Variants in PCDHGA10 observed in about 807,000 individuals in gnomAD.
PCDHGA10 encodes the protein protocadherin gamma subfamily A, 10, also known as protocadherin gamma-A10.
Under a neutral mutation model 59.5 loss-of-function variants are expected in PCDHGA10, and 42 were observed. The observed-to-expected ratio is 0.71, with a 90% CI of 0.55 to 0.91. The LOEUF (loss-of-function observed/expected upper bound fraction) is 0.91, where lower values mean the gene tolerates loss of function less well. Ranked by LOEUF, PCDHGA10 falls within the 40% of genes least tolerant of loss-of-function variation. The pLI is 0.00. For missense variants in PCDHGA10, 1,111 were observed against 1,198.2 expected (o/e 0.93, Z 1.07); for synonymous variants, 511 against 517.2 (o/e 0.99, Z 0.16).
At chr5:141,449,021 C>T (rs897401758) in intron 1 of PCDHGA10, among the ~76,000 whole-genome samples, 3 of 152,104 alleles carry the variant, frequency 2.0e-5, no homozygotes, top group Non-Finnish European at 4.4e-5. Context: ...AGTTGCTTAG[C>T]ATTCCTTTGG....
At chr5:141,423,160 G>A (rs1272708122) in intron 1 of PCDHGA10, 16 of 1,613,046 alleles carry the variant, frequency 9.9e-6, no homozygotes, top group Non-Finnish European at 1.2e-5. Flanking sequence ...GAGCCTCGTG[G>A]TGGCCGTCCA....
At chr5:141,441,398 G>A (rs1257981333) in intron 1 of PCDHGA10, 1 of 154,848 alleles carries the variant, frequency 6.5e-6, no homozygotes, top group Non-Finnish European at 1.4e-5. Context: ...TATAACATCA[G>A]CATCACTGCC....
intron 1 of PCDHGA10, among the ~76,000 whole-genome samples, chr5:141,460,317 A>G (rs1045494740): frequency 4.6e-5 from 7 of 152,260 alleles, no homozygotes; most frequent in African/African-American, 1.7e-4. Flanking sequence ...CTCCTTGCCT[A>G]CTGAAAACTT....
At chr5:141,470,511 A>T (rs1043414941) in intron 1 of PCDHGA10, among the ~76,000 whole-genome samples, 37 of 152,198 alleles carry the variant, frequency 2.4e-4, no homozygotes, top group African/African-American at 8.7e-4. Flanking sequence ...TTAGACAGTT[A>T]GCTAATATTA....
chr5:141,509,825 C>A (rs1057042581), intron 3 of PCDHGA10, among the ~76,000 whole-genome samples: 18 of 152,222 alleles, frequency 1.2e-4, no homozygotes, highest in African/African-American at 1.2e-4. Context: ...TCTCCATCTT[C>A]TCTCTACCTC....
chr5:141,505,413 C>G lies in PCDHGA10; in HGVS notation c.2516C>G (p.Thr839Ser). ...CCCAGCTCCCAAAATGGCGATGACA[C>G]CGGCACCTGGCCCAACAACCAGTTT... Reference protein sequence around the residue: ...GTSGSQNGDDTGTWPNNQFDT... With the variant: ...GTSGSQNGDDSGTWPNNQFDT... Residue 839 changes from threonine to serine, a missense_variant, in exon 3 of 4, where the codon ACC (threonine) becomes AGC (serine). Physicochemically the swap from Thr to Ser is moderately conservative, Grantham distance 58. Coordinates refer to ENST00000398610, the MANE Select transcript of PCDHGA10 (RefSeq NM_018913.3). 2.5e-6 allele frequency: 4 copies of G among 1,614,202 alleles called. No individual in the cohort carries two copies. In the South Asian group the frequency reaches 4.4e-5, roughly 18 times the overall value.
chr5:141,446,173 G>A (rs2098491860), intron 1 of PCDHGA10, among the ~76,000 whole-genome samples: 1 of 152,076 alleles, frequency 6.6e-6, no homozygotes, highest in East Asian at 1.9e-4. Context: ...TGAGGGCAGG[G>A]GGTGTTTTGT....
intron 1 of PCDHGA10, among the ~76,000 whole-genome samples, chr5:141,481,749 C>G (rs958851030): frequency 7.9e-5 from 12 of 151,976 alleles, no homozygotes; most frequent in African/African-American, 2.9e-4. Context: ...GTCAGGAGTC[C>G]AAGACCAGCC....
chr5:141,486,828 G>A lies in PCDHGA10; in HGVS notation c.2437-7979G>A, dbSNP rs140257646. 77 of 1,614,218 alleles carry A rather than the reference G, an allele frequency of 4.8e-5. 1 individual carries two copies. In the East Asian group the frequency reaches 1.2e-3, roughly 26 times the overall value. On this transcript the variant is annotated intron_variant, in intron 1 of 3. Transcript: ENST00000398610. This position sits in a 1 kb window ranked among gnomAD's most constrained non-coding sequence, Gnocchi z 5.0. ...CCCCTTAGCAGCACTGTAACAGTTCGTCTATTTGTGCTGGACCTCAATGAC... is the reference window on the plus strand; with the variant it reads ...CCCCTTAGCAGCACTGTAACAGTTCATCTATTTGTGCTGGACCTCAATGAC...
intron 1 of PCDHGA10, among the ~76,000 whole-genome samples, chr5:141,481,426 A>G (rs1431602618): frequency 6.6e-6 from 1 of 152,238 alleles, no homozygotes; most frequent in Non-Finnish European, 1.5e-5. Flanking sequence ...TGTGATGATG[A>G]TTGTATCAGT....
intron 1 of PCDHGA10, chr5:141,471,166 C>T (rs1427053969): frequency 2.0e-5 from 3 of 150,492 alleles, no homozygotes; most frequent in Non-Finnish European, 2.9e-5. Context: ...TCTCCTGGCT[C>T]AGCCTCCCTA....
Position 141,413,747 on chromosome 5 carries a change from A to C in PCDHGA10, c.572A>C (p.Asn191Thr). The part of the protein sequence containing the change: ...HFSLRVQSRA[N>T]GVKYPELVLE... ...TCCCTAAGAGTTCAGAGCCGTGCCA[A>C]TGGCGTCAAGTACCCGGAGCTGGTA... Residue 191 changes from asparagine (N) to threonine (T), a missense_variant, in exon 1 of 4, where the codon AAT becomes ACT. Physicochemically the swap from Asn to Thr is moderately conservative, Grantham distance 65. Coordinates refer to ENST00000398610, the MANE Select transcript of PCDHGA10 (RefSeq NM_018913.3). The C allele has an allele frequency of 6.2e-7, 1 of 1,613,348 alleles. No individual in the cohort carries two copies.
Position 141,413,950 on chromosome 5 carries a change from T to C in PCDHGA10, c.775T>C (p.Leu259=), listed in dbSNP as rs1448967281. The C allele has an allele frequency of 6.2e-7, 1 of 1,613,264 alleles. No homozygotes were observed. ...PEYRVSVPEN[L]PVGTQLLTVT... is the part of the protein sequence containing the mutation. ...ATACCGAGTGAGTGTTCCTGAGAAT[T>C]TGCCTGTGGGCACTCAGCTGCTGAC... is the stretch of plus-strand genomic sequence containing the variant. The change falls in exon 1 of 4, where the codon TTG becomes CTG. Residue 259 remains leucine, a synonymous_variant. Transcript: ENST00000398610.
intron 1 of PCDHGA10, among the ~76,000 whole-genome samples, chr5:141,425,605 A>G (rs1229246680): frequency 6.6e-6 from 1 of 152,230 alleles, no homozygotes; most frequent in Non-Finnish European, 1.5e-5. Context: ...TGCCCTATAT[A>G]GCTTTCAGTG....
intron 1 of PCDHGA10, among the ~76,000 whole-genome samples, chr5:141,492,593 A>T (rs907659087): frequency 1.3e-5 from 2 of 152,100 alleles, no homozygotes; most frequent in African/African-American, 4.8e-5. Context: ...GGAGCGCTGG[A>T]GCGACTGCCG....
Position 141,413,946 on chromosome 5 carries a change from G to A in PCDHGA10, c.771G>A (p.Glu257=). The A allele has an allele frequency of 6.2e-7, 1 of 1,613,414 alleles. No individual in the cohort carries two copies. The highest frequency in any genetic ancestry group is 8.5e-7 in the Non-Finnish European group (1 of 1,179,876). ...CAGAATACCGAGTGAGTGTTCCTGA[G>A]AATTTGCCTGTGGGCACTCAGCTGC... ...TLPEYRVSVP[E]NLPVGTQLLT... Residue 257 remains glutamate, a synonymous_variant, in exon 1 of 4, where the codon GAG becomes GAA. Coordinates refer to ENST00000398610, the MANE Select transcript of PCDHGA10 (RefSeq NM_018913.3).
chr5:141,419,145 A>T, intron 1 of PCDHGA10: 1 of 1,613,940 alleles, frequency 6.2e-7, no homozygotes, highest in Non-Finnish European at 8.5e-7. Flanking sequence ...GACAGGGGCA[A>T]GCCTCCGTTA....
At position 141,511,916 on chromosome 5, in the gene PCDHGA10, C is replaced by T. The variant is rs2099884006; in HGVS notation, c.*743C>T. ...CCACCTCCTCCTCAAACAAGAGACT[C>T]CACTGCATGTTCCAAGACAGTATGG... On this transcript the variant is annotated 3_prime_UTR_variant, in exon 4 of 4. Coordinates refer to ENST00000398610, the MANE Select transcript of PCDHGA10 (RefSeq NM_018913.3). The T allele has an allele frequency of 6.4e-6, 1 of 156,466 alleles. No individual in the cohort carries two copies. The highest frequency in any genetic ancestry group is 2.4e-5 in the African/African-American group (1 of 41,474). The allele number at this position is 156,466 out of a possible 1,614,324, so 9.7% of individuals were successfully genotyped here.
chr5:141,497,326 T>C (rs1021730142), intron 2 of PCDHGA10, among the ~76,000 whole-genome samples: 1 of 152,060 alleles, frequency 6.6e-6, no homozygotes, highest in Non-Finnish European at 1.5e-5. Flanking sequence ...TGAAGCAGAA[T>C]TCACCATTGA....
Sources: allele counts gnomAD v4.1 joint callset (sites outside exome capture counted in the v4.1 genomes callset), GRCh38; gene constraint gnomAD v4.1.1; non-coding constraint Gnocchi (gnomAD v3.1); transcripts MANE v1.5; gene names NCBI Gene and HGNC (gene_info 2026-07-23, HGNC 2026-07-21).